The following CHODL variants were observed in gnomAD, a reference collection of about 807,000 sequenced individuals.
CHODL encodes the protein chondrolectin, also known as transmembrane protein MT75.
In CHODL, 29 loss-of-function variants were observed where a neutral mutation model predicts 34.5. The observed-to-expected ratio is 0.84, with a 90% CI of 0.63 to 1.15. The LOEUF is 1.15. Among genes scored for constraint, CHODL ranks in the 50% most tolerant of loss-of-function variants. CHODL has a pLI of 0.00. For synonymous variants in CHODL, 125 were observed against 116.1 expected (o/e 1.08, Z -0.49); for missense variants, 332 against 332.5 (o/e 1.00, Z 0.01).
chr21:18,206,798 G>A (rs1467487954), intron 2 of CHODL, among the ~76,000 whole-genome samples: 1 of 149,794 alleles, frequency 6.7e-6, no homozygotes, highest in Non-Finnish European at 1.5e-5. Flanking sequence ...TTAATTTTTT[G>A]TCTATACATT....
chr21:18,211,141 TACACACACAC>T (rs3077936), intron 2 of CHODL, among the ~76,000 whole-genome samples: 1 of 148,686 alleles, frequency 6.7e-6, no homozygotes, highest in Non-Finnish European at 1.5e-5. Flanking sequence ...TACACATGGA[TACACACACAC>T]ACACACACAC....
intron 2 of CHODL, among the ~76,000 whole-genome samples, chr21:18,105,992 C>G (rs554930607): frequency 6.6e-6 from 1 of 152,288 alleles, no homozygotes; most frequent in East Asian, 1.9e-4. Flanking sequence ...AGTGGCCAAC[C>G]AGCCACACCT....
intron 2 of CHODL, among the ~76,000 whole-genome samples, chr21:18,160,346 C>G (rs1159407916): frequency 6.6e-6 from 1 of 151,422 alleles, no homozygotes; most frequent in Non-Finnish European, 1.5e-5. Flanking sequence ...TTTTTTTTAA[C>G]TTTTATTTTA....
intron 2 of CHODL, among the ~76,000 whole-genome samples, chr21:18,229,531 G>GA (rs112431374): frequency 0.19 from 28,976 of 152,008 alleles, 4,111 homozygotes; most frequent in African/African-American, 0.4. Flanking sequence ...GCTGCTGTGT[G>GA]AAAAAAGTGT....
At chr21:18,059,895 C>G (rs1028200809) in intron 2 of CHODL, among the ~76,000 whole-genome samples, 1 of 152,170 alleles carries the variant, frequency 6.6e-6, no homozygotes, top group Non-Finnish European at 1.5e-5. Context: ...ACACTCCCTT[C>G]TGTAATCTGA....
chr21:18,066,572 C>A (rs1477676075), intron 2 of CHODL, among the ~76,000 whole-genome samples: 1 of 152,074 alleles, frequency 6.6e-6, no homozygotes, highest in East Asian at 1.9e-4. Flanking sequence ...CAAATCACTG[C>A]CATTACCCAA....
At chr21:18,030,293 C>G (rs1014294697) in intron 2 of CHODL, among the ~76,000 whole-genome samples, 4 of 152,172 alleles carry the variant, frequency 2.6e-5, no homozygotes, top group African/African-American at 9.6e-5. Flanking sequence ...CAAGGAACTA[C>G]CTGGTTGCCA....
At chr21:18,128,776 C>A (rs1260409615) in intron 2 of CHODL, among the ~76,000 whole-genome samples, 1 of 152,048 alleles carries the variant, frequency 6.6e-6, no homozygotes, top group Non-Finnish European at 1.5e-5. Context: ...ATATCATAAT[C>A]TCTTATACGT....
At chr21:18,256,419 G>T in intron 1 of CHODL, 90 bp from the exon 2 acceptor site, 1 of 1,201,718 alleles carries the variant, frequency 8.3e-7, no homozygotes, top group Non-Finnish European at 1.2e-6. Context: ...TGTATTTTCT[G>T]CTTTGACTGG....
chr21:18,015,436 C>T (rs1298040191), intron 1 of CHODL, among the ~76,000 whole-genome samples: 1 of 152,146 alleles, frequency 6.6e-6, no homozygotes, highest in African/African-American at 2.4e-5. Context: ...TCAATTAGAC[C>T]TCTTGTCTTC....
chr21:18,126,272 G>A (rs774370526), intron 2 of CHODL, among the ~76,000 whole-genome samples: 1 of 152,222 alleles, frequency 6.6e-6, no homozygotes, highest in Admixed American at 6.5e-5. Context: ...TGAAGGCTTA[G>A]ATGATTATTA....
At chr21:18,067,793 C>T (rs2064749182) in intron 2 of CHODL, among the ~76,000 whole-genome samples, 1 of 152,076 alleles carries the variant, frequency 6.6e-6, no homozygotes, top group South Asian at 2.1e-4. Flanking sequence ...CATTGCTATT[C>T]CAAACAATTT....
intron 2 of CHODL, among the ~76,000 whole-genome samples, chr21:18,069,068 A>T (rs2064765474): frequency 1.3e-5 from 2 of 152,270 alleles, no homozygotes; most frequent in East Asian, 3.9e-4. Context: ...GAGTAAGCAA[A>T]TTTTTTTATC....
chr21:18,038,662 C>A, intron 2 of CHODL, among the ~76,000 whole-genome samples: 1 of 151,656 alleles, frequency 6.6e-6, no homozygotes, highest in East Asian at 1.9e-4. Context: ...TACTTGCCAA[C>A]AATCACTAAA....
intron 2 of CHODL, among the ~76,000 whole-genome samples, chr21:18,034,936 C>A (rs1568854165): frequency 6.6e-6 from 1 of 151,956 alleles, no homozygotes; most frequent in Non-Finnish European, 1.5e-5. Flanking sequence ...CACAGTAGGT[C>A]ATCTCAGATG....
intron 2 of CHODL, among the ~76,000 whole-genome samples, chr21:18,154,240 C>A (rs1021180978): frequency 2.0e-5 from 3 of 152,046 alleles, no homozygotes; most frequent in African/African-American, 7.2e-5. Flanking sequence ...CAAAGTTTTA[C>A]TTCTTATTTA....
At chr21:18,245,356 C>A in intron 1 of CHODL, 54 bp downstream of exon 1, 1 of 1,400,762 alleles carries the variant, frequency 7.1e-7, no homozygotes, top group Non-Finnish European at 9.4e-7. Context: ...GACCACGGGG[C>A]GCGGCGGGCA....
rs374395071 is a variant in CHODL, at chr21:18,005,867, T to C, written c.-144-22005T>C. 2.0e-4 allele frequency among the ~76,000 whole-genome samples: 31 copies of C among 152,282 alleles called. 1 individual carries two copies. The highest frequency in any genetic ancestry group is 7.5e-4 in the African/African-American group (31 of 41,556). ...GGAGAGCATCAGGCAGAATAGCTAATGGATGCTGGGTGATATGGTTTGGCT... is the reference window on the plus strand; with the variant it reads ...GGAGAGCATCAGGCAGAATAGCTAACGGATGCTGGGTGATATGGTTTGGCT... On this transcript the variant is annotated intron_variant, in intron 1 of 6. Transcript: ENST00000400127.
At chr21:18,009,583 A>G (rs2063992182) in intron 1 of CHODL, among the ~76,000 whole-genome samples, 1 of 152,204 alleles carries the variant, frequency 6.6e-6, no homozygotes, top group Non-Finnish European at 1.5e-5. Context: ...ATACAACCTA[A>G]TTGAAATTAA....
Sources: allele counts gnomAD v4.1 joint callset (sites outside exome capture counted in the v4.1 genomes callset), GRCh38; gene constraint gnomAD v4.1.1; transcripts MANE v1.5; gene names NCBI Gene and HGNC (gene_info 2026-07-23, HGNC 2026-07-21).